The following SPOCK3 variants were observed in gnomAD, a reference collection of about 807,000 sequenced individuals.
SPOCK3 encodes SPARC (osteonectin), cwcv and kazal like domains proteoglycan 3, also known as testican-3.
Under a neutral mutation model 56.6 loss-of-function variants are expected in SPOCK3, and 30 were observed. The observed-to-expected ratio is 0.53, with a 90% confidence interval of 0.40 to 0.72. The LOEUF is 0.72. Among genes scored for constraint, SPOCK3 ranks in the 30% least tolerant of loss-of-function variants. The probability of loss-of-function intolerance (pLI) is 0.00; values close to 1 mark genes in which losing one functional copy is unlikely to be tolerated. For synonymous variants in SPOCK3, 196 were observed against 183.3 expected, an observed-to-expected ratio of 1.07 and a Z score of -0.56; for missense variants, 527 against 530.0, an observed-to-expected ratio of 0.99 and a Z score of 0.06.
At chr4:166,741,894 G>C (rs1378847793) in intron 9 of SPOCK3, 103 bp downstream of exon 9, 1 of 813,622 alleles carries the variant, frequency 1.2e-6, no homozygotes, top group South Asian at 1.6e-5. Flanking sequence ...CTGAAATTTA[G>C]TGCAGTCTAT....
chr4:166,916,224 G>A (rs1036270663), intron 4 of SPOCK3, among the ~76,000 whole-genome samples: 4 of 151,622 alleles, frequency 2.6e-5, no homozygotes, highest in African/African-American at 9.7e-5. Flanking sequence ...CAGATTCAAG[G>A]CCCTAAGATA....
intron 3 of SPOCK3, among the ~76,000 whole-genome samples, chr4:167,009,598 C>A (rs1749822541): frequency 6.6e-6 from 1 of 151,928 alleles, no homozygotes. Context: ...AATTTTTCAC[C>A]AGCCAGTGCA....
At chr4:166,814,951 A>G (rs952005177) in intron 6 of SPOCK3, among the ~76,000 whole-genome samples, 2 of 152,032 alleles carry the variant, frequency 1.3e-5, no homozygotes, top group South Asian at 2.1e-4. Flanking sequence ...TTAGGGATGG[A>G]CTCAATGATG....
chr4:167,122,189 C>T (rs1453923900), intron 2 of SPOCK3, among the ~76,000 whole-genome samples: 1 of 150,522 alleles, frequency 6.6e-6, no homozygotes, highest in Non-Finnish European at 1.5e-5. Context: ...TTTCTTGAGA[C>T]AGGGTCTAGA....
intron 3 of SPOCK3, among the ~76,000 whole-genome samples, chr4:167,037,292 G>A (rs1029956219): frequency 2.0e-5 from 3 of 152,028 alleles, no homozygotes; most frequent in African/African-American, 7.2e-5. Context: ...GGCCATACCG[G>A]CCAACATGGT....
chr4:167,044,929 G>T (rs182280430), intron 3 of SPOCK3, among the ~76,000 whole-genome samples: 1 of 152,008 alleles, frequency 6.6e-6, no homozygotes, highest in Non-Finnish European at 1.5e-5. Context: ...AATTTTATCT[G>T]TTTCATTGAT....
At chr4:166,881,267 AGTTT>A (rs1183920137) in intron 6 of SPOCK3, among the ~76,000 whole-genome samples, 2 of 151,884 alleles carry the variant, frequency 1.3e-5, no homozygotes, top group African/African-American at 2.4e-5. Flanking sequence ...AAATGTCTAA[AGTTT>A]GTTATTTGCA....
At chr4:167,098,879 T>C (rs1418140154) in intron 2 of SPOCK3, among the ~76,000 whole-genome samples, 1 of 152,076 alleles carries the variant, frequency 6.6e-6, no homozygotes, top group Non-Finnish European at 1.5e-5. Context: ...ACTATGCCTT[T>C]TTTTTCAAAA....
rs887024012 is a variant in SPOCK3 at position 167,190,419 on chromosome 4, GA to G, written c.189+43565del. The stretch of plus-strand genomic sequence containing the variant: ...ATTGGACATTCATATATCTTCTTTG[GA>G]AAAAAAGTCTATTCATGTCATTTGA... On this transcript the variant is annotated intron_variant, in intron 2 of 10. Coordinates refer to ENST00000357545, the MANE Select transcript of SPOCK3 (RefSeq NM_001040159.2). 8.9e-5 allele frequency among the ~76,000 whole-genome samples: 13 copies of G among 145,542 alleles called. 3 individuals carry two copies. Among genetic ancestry groups the G allele is most frequent in the Non-Finnish European group, 4.5e-5 (3 of 66,628 alleles).
At chr4:166,851,851 T>A (rs1314446984) in intron 6 of SPOCK3, among the ~76,000 whole-genome samples, 1 of 151,984 alleles carries the variant, frequency 6.6e-6, no homozygotes, top group Non-Finnish European at 1.5e-5. Context: ...TGCACACGTA[T>A]GTTTATTGCG....
intron 4 of SPOCK3, among the ~76,000 whole-genome samples, chr4:166,982,987 T>C (rs1040409142): frequency 2.6e-5 from 4 of 152,178 alleles, no homozygotes; most frequent in African/African-American, 9.7e-5. Context: ...TAAGTGGAGA[T>C]CTTGTTAGTA....
intron 6 of SPOCK3, among the ~76,000 whole-genome samples, chr4:166,837,540 T>C (rs1746753288): frequency 6.6e-6 from 1 of 152,188 alleles, no homozygotes; most frequent in South Asian, 2.1e-4. Flanking sequence ...GCACTGATAT[T>C]ATCATTTCAC....
intron 7 of SPOCK3, among the ~76,000 whole-genome samples, chr4:166,785,330 A>G (rs1410708857): frequency 2.0e-5 from 3 of 152,068 alleles, no homozygotes; most frequent in Non-Finnish European, 4.4e-5. Context: ...CAGACTGTAT[A>G]AACTCCATTT....
intron 2 of SPOCK3, among the ~76,000 whole-genome samples, chr4:167,206,007 T>A (rs189147383): frequency 6.6e-5 from 10 of 152,274 alleles, no homozygotes; most frequent in African/African-American, 2.2e-4. Flanking sequence ...TCAATTTAGT[T>A]AATGTAACTA....
At chr4:167,101,891 T>C (rs938481312) in intron 2 of SPOCK3, among the ~76,000 whole-genome samples, 19 of 142,982 alleles carry the variant, frequency 1.3e-4, no homozygotes, top group Admixed American at 5.6e-4. Flanking sequence ...CCAGGCTGAG[T>C]TTTTTTTTTT....
At chr4:166,874,602 T>G (rs1274463993) in intron 6 of SPOCK3, among the ~76,000 whole-genome samples, 1 of 152,188 alleles carries the variant, frequency 6.6e-6, no homozygotes, top group Non-Finnish European at 1.5e-5. Flanking sequence ...TTCAGGTCAG[T>G]GGCAGTATCA....
At chr4:167,125,542 T>C (rs2150371318) in intron 2 of SPOCK3, among the ~76,000 whole-genome samples, 1 of 151,656 alleles carries the variant, frequency 6.6e-6, no homozygotes, top group South Asian at 2.1e-4. Flanking sequence ...CGAAACCCTG[T>C]CTCTACTAAA....
At chr4:166,998,643 C>T (rs1579949192) in intron 4 of SPOCK3, among the ~76,000 whole-genome samples, 1 of 152,074 alleles carries the variant, frequency 6.6e-6, no homozygotes, top group South Asian at 2.1e-4. Flanking sequence ...TTAACTGCGA[C>T]GTCTTTGGTT....
At chr4:166,765,264 G>GCC (rs1304354668) in intron 7 of SPOCK3, among the ~76,000 whole-genome samples, 1 of 152,180 alleles carries the variant, frequency 6.6e-6, no homozygotes, top group Non-Finnish European at 1.5e-5. Flanking sequence ...CCTTGCCCAT[G>GCC]CCTATGTCCT....
Sources: allele counts gnomAD v4.1 joint callset (sites outside exome capture counted in the v4.1 genomes callset), GRCh38; gene constraint gnomAD v4.1.1; transcripts MANE v1.5; gene names NCBI Gene and HGNC (gene_info 2026-07-23, HGNC 2026-07-21).